GRIN3A: variants seen among roughly 807,000 people sequenced by gnomAD.
The protein encoded by GRIN3A is glutamate ionotropic receptor NMDA type subunit 3A.
A neutral mutation model predicts 92.4 loss-of-function variants in GRIN3A; 47 were observed. The observed-to-expected ratio is 0.51, with a 90% CI of 0.40 to 0.65. GRIN3A has a LOEUF of 0.65. Ranked by LOEUF, GRIN3A falls within the 30% of genes least tolerant of loss-of-function variation. The pLI, the probability that GRIN3A is intolerant of heterozygous loss-of-function variation, is 0.00. For missense variants in GRIN3A, 1,324 were observed against 1,393.1 expected, an observed-to-expected ratio of 0.95 and a Z score of 0.79; for synonymous variants, 527 against 540.6, an observed-to-expected ratio of 0.97 and a Z score of 0.35.
At chr9:101,737,172 A>G (rs1477928271) in intron 1 of GRIN3A, 109 bp downstream of exon 1, 9 of 864,818 alleles carry the variant, frequency 1.0e-5, no homozygotes, top group Non-Finnish European at 1.7e-5. Context: ...TCAAAGTTAT[A>G]AAGTAACAAC....
At chr9:101,664,952 G>A (rs1829219467) in intron 3 of GRIN3A, among the ~76,000 whole-genome samples, 1 of 151,736 alleles carries the variant, frequency 6.6e-6, no homozygotes, top group African/African-American at 2.4e-5. Flanking sequence ...AAATACAGAG[G>A]ATCACAAATC....
intron 3 of GRIN3A, among the ~76,000 whole-genome samples, chr9:101,657,065 C>T (rs979513141): frequency 6.6e-5 from 10 of 151,822 alleles, no homozygotes; most frequent in South Asian, 2.1e-4. Flanking sequence ...TTTCAGATAA[C>T]GTTTGTCTTA....
chr9:101,575,977 G>C (rs1490793322), intron 8 of GRIN3A, among the ~76,000 whole-genome samples: 1 of 152,150 alleles, frequency 6.6e-6, no homozygotes, highest in Non-Finnish European at 1.5e-5. Context: ...GCTGGACTTT[G>C]TGCCAAATTC....
chr9:101,689,148 T>C (rs1829579110), intron 1 of GRIN3A, among the ~76,000 whole-genome samples: 1 of 152,198 alleles, frequency 6.6e-6, no homozygotes, highest in African/African-American at 2.4e-5. Context: ...GTCTTAATCC[T>C]CTTTTAGAAG....
At chr9:101,587,536 A>G (rs1004961992) in intron 6 of GRIN3A, among the ~76,000 whole-genome samples, 4 of 152,174 alleles carry the variant, frequency 2.6e-5, no homozygotes, top group Non-Finnish European at 4.4e-5. Context: ...GCAGCCTAGT[A>G]TATAGTAAGT....
At chr9:101,590,302 T>A (rs1828005172) in intron 6 of GRIN3A, among the ~76,000 whole-genome samples, 1 of 152,156 alleles carries the variant, frequency 6.6e-6, no homozygotes, top group Non-Finnish European at 1.5e-5. Context: ...AAGTCCGGTC[T>A]GATTCTCAGT....
intron 6 of GRIN3A, among the ~76,000 whole-genome samples, chr9:101,608,494 C>G (rs971452879): frequency 6.6e-6 from 1 of 152,088 alleles, no homozygotes; most frequent in African/African-American, 2.4e-5. Context: ...TTTTTCAAAA[C>G]ATCTTTTTTT....
intron 1 of GRIN3A, among the ~76,000 whole-genome samples, chr9:101,732,158 C>G (rs1830146770): frequency 6.6e-6 from 1 of 152,108 alleles, no homozygotes; most frequent in Admixed American, 6.6e-5. Flanking sequence ...CTCAAAGTAG[C>G]TGGTTTGTAA....
Position 101,737,991 on chromosome 9 carries a change from G to C in GRIN3A, c.-12C>G. 6.5e-7 allele frequency: 1 copy of C among 1,531,432 alleles called. No individual in the cohort carries two copies. The highest frequency in any genetic ancestry group is 8.7e-7 in the Non-Finnish European group (1 of 1,144,530). The allele number at this position is 1,531,432 out of a possible 1,614,324, so 94.9% of individuals were successfully genotyped here. On this transcript the variant is annotated 5_prime_UTR_variant, in exon 1 of 9. Coordinates refer to ENST00000361820, the MANE Select transcript of GRIN3A (RefSeq NM_133445.3). Reference sequence around the variant, plus strand: ...CTCAGTCTCCTCATTACTGAGACCCGCAGGGAGAAAGCGCGCCCCCTCCTG... The same window carrying C: ...CTCAGTCTCCTCATTACTGAGACCCCCAGGGAGAAAGCGCGCCCCCTCCTG...
intron 4 of GRIN3A, among the ~76,000 whole-genome samples, chr9:101,627,640 C>G (rs4743476): frequency 0.28 from 42,692 of 151,966 alleles, 6,471 homozygotes; most frequent in East Asian, 0.46. Context: ...CAGAACAGAC[C>G]CATCACTGCA....
chr9:101,660,062 C>T (rs10819974), intron 3 of GRIN3A, among the ~76,000 whole-genome samples: 29,145 of 151,538 alleles, frequency 0.19, 3,129 homozygotes, highest in Non-Finnish European at 0.25. Context: ...CACTAATTGT[C>T]GTGTACTGTG....
At chr9:101,721,493 G>C (rs1830012375) in intron 1 of GRIN3A, among the ~76,000 whole-genome samples, 1 of 152,184 alleles carries the variant, frequency 6.6e-6, no homozygotes, top group Non-Finnish European at 1.5e-5. Flanking sequence ...AGCGACTTTG[G>C]AACTGGGTAA....
chr9:101,581,437 G>T (rs10123961), intron 6 of GRIN3A, among the ~76,000 whole-genome samples: 49,006 of 151,966 alleles, frequency 0.32, 7,921 homozygotes, highest in African/African-American at 0.35. Flanking sequence ...AACTCCAAGG[G>T]TTGGTATTAA....
intron 4 of GRIN3A, among the ~76,000 whole-genome samples, chr9:101,626,788 G>T (rs941039071): frequency 6.6e-6 from 1 of 152,238 alleles, no homozygotes; most frequent in African/African-American, 2.4e-5. Flanking sequence ...GTCTGAAGCA[G>T]CAGTTGGATT....
Position 101,706,856 on chromosome 9 carries a change from G to A in GRIN3A, c.700-19656C>T, listed in dbSNP as rs138045136. Reference sequence around the variant, plus strand: ...CACAAGGGAGACGGAGAGAAATAATGAGAGTGAATGTGTTGTCAAATGACC... The same window carrying A: ...CACAAGGGAGACGGAGAGAAATAATAAGAGTGAATGTGTTGTCAAATGACC... On this transcript the variant is annotated intron_variant, in intron 1 of 8. Transcript: ENST00000361820. Among the ~76,000 whole-genome samples the A allele has an allele frequency of 7.9e-5, 12 of 152,308 alleles. No individual in the cohort carries two copies. In the East Asian group the frequency reaches 1.5e-3, roughly 20 times the overall value.
intron 1 of GRIN3A, among the ~76,000 whole-genome samples, chr9:101,694,941 G>A (rs566055873): frequency 1.1e-4 from 17 of 152,274 alleles, no homozygotes; most frequent in Admixed American, 2.0e-4. Flanking sequence ...CTTCAGGAGC[G>A]TCTAGAAAGA....
chr9:101,627,608 C>A (rs1169720165), intron 4 of GRIN3A, among the ~76,000 whole-genome samples: 1 of 152,132 alleles, frequency 6.6e-6, no homozygotes, highest in African/African-American at 2.4e-5. Context: ...ACCATTCTTT[C>A]CCTTTTCTCA....
At chr9:101,621,051 G>A (rs531448811) in intron 5 of GRIN3A, among the ~76,000 whole-genome samples, 13 of 152,116 alleles carry the variant, frequency 8.5e-5, no homozygotes, top group East Asian at 3.9e-4. Context: ...TTGGGAGGCC[G>A]AGGTGGGAGG....
At chr9:101,617,064 G>T (rs1307105632) in intron 5 of GRIN3A, among the ~76,000 whole-genome samples, 1 of 150,194 alleles carries the variant, frequency 6.7e-6, no homozygotes, top group Non-Finnish European at 1.5e-5. Flanking sequence ...GCCGGGCGTG[G>T]TGGCGGGCGC....
Sources: allele counts gnomAD v4.1 joint callset (sites outside exome capture counted in the v4.1 genomes callset), GRCh38; gene constraint gnomAD v4.1.1; transcripts MANE v1.5; gene names NCBI Gene and HGNC (gene_info 2026-07-23, HGNC 2026-07-21).